CLASP1: variants seen among roughly 807,000 people sequenced by gnomAD.
CLASP1 encodes the protein CLIP-associating protein 1.
In CLASP1, 38 loss-of-function variants were observed where a neutral mutation model predicts 192.3. The ratio of observed to expected loss-of-function variants is 0.20; its 90% confidence interval spans 0.15 to 0.26. CLASP1 has a LOEUF of 0.26. Among genes scored for constraint, CLASP1 ranks in the 10% least tolerant of loss-of-function variants. CLASP1 has a pLI of 1.00. For synonymous variants in CLASP1, 691 were observed against 712.8 expected (o/e 0.97, Z 0.49); for missense variants, 1,433 against 1,932.5 (o/e 0.74, Z 4.85).
chr2:121,350,885 T>C (rs2064240077), intron 37 of CLASP1, among the ~76,000 whole-genome samples: 2 of 152,222 alleles, frequency 1.3e-5, no homozygotes, highest in Non-Finnish European at 2.9e-5. Context: ...ACTTTTTAGA[T>C]AGATAGAAAA....
chr2:121,465,960 C>T (rs2089482532), intron 9 of CLASP1, among the ~76,000 whole-genome samples: 1 of 152,178 alleles, frequency 6.6e-6, no homozygotes, highest in African/African-American at 2.4e-5. Context: ...GGAAAACTGG[C>T]TAGCCATATG....
intron 14 of CLASP1, among the ~76,000 whole-genome samples, chr2:121,452,053 CCACAGGGA>C (rs1232177146): frequency 1.3e-5 from 2 of 152,098 alleles, no homozygotes; most frequent in Admixed American, 6.5e-5. Flanking sequence ...CCTATTAGTG[CCACAGGGA>C]CACAGGGACA....
chr2:121,492,302 TG>T lies in CLASP1; in HGVS notation c.712+10864del, dbSNP rs2150156585. Reference sequence around the variant, plus strand: ...TACCCGGGAGGCTGAGGCAGTAGAATGGTGAGAACCCGGGAGGCGGAGCTTG... The same window carrying T: ...TACCCGGGAGGCTGAGGCAGTAGAATGTGAGAACCCGGGAGGCGGAGCTTG... On this transcript the variant is annotated intron_variant, in intron 8 of 39. Coordinates refer to ENST00000263710, the Ensembl canonical transcript of CLASP1. 2.1e-5 allele frequency among the ~76,000 whole-genome samples: 3 copies of T among 141,238 alleles called. 1 individual carries two copies. The South Asian group carries it at 6.5e-4, about 31-fold the overall frequency. The allele number at this position is 141,238 out of a possible 152,430, so 92.7% of individuals were successfully genotyped here. A position where few individuals can be genotyped will look rare whatever the true frequency, so the allele number is the denominator to read the frequency against.
intron 22 of CLASP1, among the ~76,000 whole-genome samples, chr2:121,424,173 A>G (rs897009813): frequency 4.0e-5 from 6 of 151,202 alleles, no homozygotes; most frequent in Non-Finnish European, 7.4e-5. Context: ...TTTAGGTCAT[A>G]GTTTTGATTA....
chr2:121,471,771 C>T (rs2090776712), intron 8 of CLASP1, among the ~76,000 whole-genome samples: 3 of 152,084 alleles, frequency 2.0e-5, no homozygotes, highest in Admixed American at 1.3e-4. Context: ...TCTTGTTATG[C>T]CATTCTGTTT....
At chr2:121,610,046 A>G (rs772654679) in intron 1 of CLASP1, among the ~76,000 whole-genome samples, 3 of 152,226 alleles carry the variant, frequency 2.0e-5, no homozygotes, top group Non-Finnish European at 4.4e-5. Flanking sequence ...CTCCTCCCTG[A>G]ATCTTCTAGG....
intron 1 of CLASP1, among the ~76,000 whole-genome samples, chr2:121,609,276 A>T (rs1388918562): frequency 6.6e-6 from 1 of 152,182 alleles, no homozygotes; most frequent in African/African-American, 2.4e-5. Flanking sequence ...CTTCAACCAT[A>T]ATTGTATAAG....
At chr2:121,579,097 C>G (rs1005881263) in intron 2 of CLASP1, among the ~76,000 whole-genome samples, 2 of 152,194 alleles carry the variant, frequency 1.3e-5, no homozygotes, top group South Asian at 2.1e-4. Flanking sequence ...GTCCTTAGAC[C>G]GTCACATCAT....
At chr2:121,376,526 T>TGGGGGGGGGGAAGGGGG (rs61313144) in intron 34 of CLASP1, among the ~76,000 whole-genome samples, 2 of 105,130 alleles carry the variant, frequency 1.9e-5, no homozygotes, top group South Asian at 3.2e-4. Context: ...TGGGAAGGGG[T>TGGGGGGGGGGAAGGGGG]GGGGGGGGGG....
Position 121,603,399 on chromosome 2 carries a change from G to T in CLASP1, c.195+2302C>A, listed in dbSNP as rs533171288. ...GTATCAACTCACCCCTGTTAGGATG[G>T]CTATTATCAAAAAGACAAAAAATAA... On this transcript the variant is annotated intron_variant, in intron 2 of 39. Coordinates refer to ENST00000263710, the Ensembl canonical transcript of CLASP1. Among the ~76,000 whole-genome samples, 3 of 152,208 alleles carry T rather than the reference G, an allele frequency of 2.0e-5. 1 individual carries two copies. The South Asian group carries it at 6.2e-4, about 32-fold the overall frequency.
At chr2:121,599,584 T>C (rs1190638573) in intron 2 of CLASP1, among the ~76,000 whole-genome samples, 2 of 76,874 alleles carry the variant, frequency 2.6e-5, no homozygotes, top group African/African-American at 7.2e-5. Context: ...TGAGACTCCA[T>C]CTCAAAAAAA....
intron 1 of CLASP1, among the ~76,000 whole-genome samples, chr2:121,622,138 C>G (rs1252899802): frequency 6.6e-6 from 1 of 152,094 alleles, no homozygotes; most frequent in Non-Finnish European, 1.5e-5. Context: ...GCCACCACAC[C>G]TGGCCTGGAA....
rs181842477 is a variant in CLASP1, at chr2:121,440,590, G to T, written c.1912+6747C>A. Among the ~76,000 whole-genome samples, 319 of 152,306 alleles carry T rather than the reference G, an allele frequency of 2.1e-3. 1 individual carries two copies. Among genetic ancestry groups the T allele is most frequent in the African/African-American group, 7.4e-3 (307 of 41,570 alleles). On this transcript the variant is annotated intron_variant, in intron 19 of 39. Coordinates refer to ENST00000263710, the Ensembl canonical transcript of CLASP1. ...ACCTGTAGTCCCAGTTACTTGGAAG[G>T]CTGAGGTGGGAGGATACTTGAGCCT...
intron 2 of CLASP1, among the ~76,000 whole-genome samples, chr2:121,588,648 G>C (rs1473741818): frequency 6.6e-6 from 1 of 152,132 alleles, no homozygotes; most frequent in Non-Finnish European, 1.5e-5. Flanking sequence ...AGAAATGAAG[G>C]CTCAATGGCA....
chr2:121,464,869 T>G (rs1341403520), intron 9 of CLASP1, among the ~76,000 whole-genome samples: 3 of 152,256 alleles, frequency 2.0e-5, no homozygotes, highest in Non-Finnish European at 4.4e-5. Context: ...TTTGTCAATT[T>G]TGGCTTCTGT....
intron 35 of CLASP1, among the ~76,000 whole-genome samples, chr2:121,366,512 A>G (rs967170764): frequency 7.2e-5 from 11 of 152,154 alleles, no homozygotes; most frequent in African/African-American, 2.7e-4. Context: ...TTGTGCCCCG[A>G]CTGGATCTGG....
intron 8 of CLASP1, among the ~76,000 whole-genome samples, chr2:121,477,165 A>G (rs1559359329): frequency 6.6e-6 from 1 of 152,194 alleles, no homozygotes; most frequent in Non-Finnish European, 1.5e-5. Context: ...TCTTCTTGGT[A>G]TTTACAACAT....
exon 37 of CLASP1, chr2:121,363,297 A>C (rs1299686389): frequency 6.2e-7 from 1 of 1,613,580 alleles, no homozygotes; most frequent in Non-Finnish European, 8.5e-7. Context: ...GCTCGAATTG[A>C]ATGCTAGAAT....
intron 28 of CLASP1, among the ~76,000 whole-genome samples, chr2:121,399,682 A>G (rs1405341687): frequency 1.3e-5 from 2 of 152,200 alleles, no homozygotes; most frequent in African/African-American, 4.8e-5. Flanking sequence ...ACTCAGACCA[A>G]ATCTACTGAG....
Sources: gnomAD v4.1 joint callset for allele counts (sites outside exome capture counted in the v4.1 genomes callset) on GRCh38, gnomAD v4.1.1 for gene constraint, MANE v1.5 for transcripts, NCBI Gene and HGNC (gene_info 2026-07-23, HGNC 2026-07-21) for gene names.